Variants in COL5A2 observed in about 807,000 individuals in gnomAD.
COL5A2 encodes collagen alpha-2(V) chain.
A neutral mutation model predicts 208.2 loss-of-function variants in COL5A2; 23 were observed. The ratio of observed to expected loss-of-function variants is 0.11; its 90% CI spans 0.08 to 0.16. The LOEUF (loss-of-function observed/expected upper bound fraction) is 0.16, where lower values mean the gene tolerates loss of function less well. Among genes scored for constraint, COL5A2 ranks in the 10% least tolerant of loss-of-function variants. The probability of loss-of-function intolerance (pLI) is 1.00; values close to 1 mark genes in which losing one functional copy is unlikely to be tolerated. For missense variants in COL5A2, 1,590 were observed against 1,956.4 expected (o/e 0.81, Z 3.53); for synonymous variants, 625 against 628.5 (o/e 0.99, Z 0.08).
At chr2:189,272,027 T>C in the COL5A2 span, among the ~76,000 whole-genome samples, 7 of 151,984 alleles carry the variant, frequency 4.6e-5, no homozygotes, top group Admixed American at 2.6e-4. Context: ...CTGGAGAGGA[T>C]TGTGGAGATA....
chr2:189,148,881 T>C (rs760261195), intron 1 of COL5A2, among the ~76,000 whole-genome samples: 1 of 152,234 alleles, frequency 6.6e-6, no homozygotes, highest in Admixed American at 6.5e-5. Context: ...GGCTCACGCC[T>C]GTAATCCCAG....
intron 1 of COL5A2, among the ~76,000 whole-genome samples, chr2:189,193,858 A>G (rs1032542108): frequency 1.3e-5 from 2 of 152,198 alleles, no homozygotes; most frequent in African/African-American, 4.8e-5. Context: ...ATACCAATTT[A>G]TGGCAACAGA....
At chr2:189,239,038 C>G in the COL5A2 span, among the ~76,000 whole-genome samples, 6 of 152,156 alleles carry the variant, frequency 3.9e-5, no homozygotes, top group South Asian at 1.2e-3. Flanking sequence ...AGAGGCTAGG[C>G]AGGTAATATG....
At chr2:189,083,541 C>T (rs7420511) in intron 12 of COL5A2, among the ~76,000 whole-genome samples, 108,177 of 151,828 alleles carry the variant, frequency 0.71, 39,514 homozygotes, top group Non-Finnish European at 0.81. Context: ...AAAAACAAGG[C>T]AACAAGCTTT....
At chr2:189,392,712 T>G in the COL5A2 span, among the ~76,000 whole-genome samples, 3 of 152,180 alleles carry the variant, frequency 2.0e-5, no homozygotes, top group Non-Finnish European at 4.4e-5. Flanking sequence ...CATTGCAGTG[T>G]TAACAGATGT....
chr2:189,354,334 G>A, the COL5A2 span, among the ~76,000 whole-genome samples: 24 of 152,208 alleles, frequency 1.6e-4, no homozygotes, highest in Non-Finnish European at 2.6e-4. Flanking sequence ...TCTATTGTTT[G>A]GAATAGTTTC....
chr2:189,330,699 C>T, the COL5A2 span, among the ~76,000 whole-genome samples: 11 of 152,246 alleles, frequency 7.2e-5, no homozygotes, highest in South Asian at 2.3e-3. Flanking sequence ...CCTGATCTTG[C>T]CCTCAAAAAC....
chr2:189,036,625 T>C lies in COL5A2; in HGVS notation c.4104A>G (p.Arg1368=). 1 of 1,612,304 alleles carries C rather than the reference T, an allele frequency of 6.2e-7. No individual in the cohort carries two copies. Among genetic ancestry groups the C allele is most frequent in the Non-Finnish European group, 8.5e-7 (1 of 1,178,456 alleles). ...AAACATATTAAATTACCTGAGACCCTCTGTTCATATCAAGACCATACCAAA... is the reference window on the plus strand; with the variant it reads ...AAACATATTAAATTACCTGAGACCCCCTGTTCATATCAAGACCATACCAAA... ...KPVWYGLDMN[R]GSQFAYGDHQ... The change falls in exon 52 of 54, where the codon AGA becomes AGG. Residue 1368 remains arginine (R), a synonymous_variant. Coordinates refer to ENST00000374866, the MANE Select transcript of COL5A2 (RefSeq NM_000393.5).
chr2:189,361,103 T>C, the COL5A2 span, among the ~76,000 whole-genome samples: 1 of 152,102 alleles, frequency 6.6e-6, no homozygotes, highest in Non-Finnish European at 1.5e-5. Context: ...GTTTTGTAAA[T>C]GTCTGCTGTT....
chr2:189,198,192 C>G (rs1010197147), intron 1 of COL5A2, among the ~76,000 whole-genome samples: 19 of 152,006 alleles, frequency 1.2e-4, no homozygotes, highest in Non-Finnish European at 2.6e-4. Flanking sequence ...GGCCATTTTC[C>G]ACATGGATGC....
At chr2:189,405,477 C>T in the COL5A2 span, among the ~76,000 whole-genome samples, 2 of 152,250 alleles carry the variant, frequency 1.3e-5, no homozygotes, top group African/African-American at 4.8e-5. Flanking sequence ...GTGATCTGCT[C>T]ACCTCGCCTC....
the COL5A2 span, among the ~76,000 whole-genome samples, chr2:189,275,457 C>T: frequency 3.6e-5 from 5 of 140,088 alleles, no homozygotes; most frequent in East Asian, 4.1e-4. Flanking sequence ...TCTTTCTTTC[C>T]TTTTTTTTTT....
chr2:189,097,712 A>C, intron 5 of COL5A2: 1 of 467,240 alleles, frequency 2.1e-6, no homozygotes, highest in South Asian at 1.5e-5. Flanking sequence ...AAATTACATA[A>C]ATGTGCAAAA....
At chr2:189,122,321 G>A (rs1687518099) in intron 1 of COL5A2, among the ~76,000 whole-genome samples, 1 of 152,102 alleles carries the variant, frequency 6.6e-6, no homozygotes, top group African/African-American at 2.4e-5. Context: ...AGCAGGCCTT[G>A]AAAAAATAGA....
chr2:189,268,434 T>A, the COL5A2 span, among the ~76,000 whole-genome samples: 2 of 152,064 alleles, frequency 1.3e-5, no homozygotes, highest in African/African-American at 4.8e-5. Flanking sequence ...TCAGAAAAAA[T>A]TCTATTCAGC....
the COL5A2 span, among the ~76,000 whole-genome samples, chr2:189,385,623 T>C: frequency 1.3e-5 from 2 of 150,444 alleles, no homozygotes; most frequent in African/African-American, 2.5e-5. Flanking sequence ...GAAAAAAACA[T>C]CCAAAAATTC....
upstream of COL5A2, among the ~76,000 whole-genome samples, chr2:189,184,272 G>GA (rs1165835252): frequency 7.9e-4 from 115 of 145,176 alleles, 1 homozygote; most frequent in Middle Eastern, 3.5e-3. Context: ...CCTAAAATTT[G>GA]AAAAAAAAAA....
chr2:189,188,645 C>T (rs1366082025), intron 1 of COL5A2, among the ~76,000 whole-genome samples: 1 of 152,100 alleles, frequency 6.6e-6, no homozygotes, highest in Non-Finnish European at 1.5e-5. Context: ...GGAAATTGTC[C>T]AGAAACGCAA....
At chr2:189,343,736 C>T in the COL5A2 span, among the ~76,000 whole-genome samples, 1 of 152,074 alleles carries the variant, frequency 6.6e-6, no homozygotes, top group Non-Finnish European at 1.5e-5. Flanking sequence ...GGTATTTTTG[C>T]TAATAACTCA....
Sources: gnomAD v4.1 joint callset for allele counts (sites outside exome capture counted in the v4.1 genomes callset) on GRCh38, gnomAD v4.1.1 for gene constraint, MANE v1.5 for transcripts, NCBI Gene and HGNC (gene_info 2026-07-23, HGNC 2026-07-21) for gene names.